SLC35G1: variants seen among roughly 807,000 people sequenced by gnomAD.
The protein encoded by SLC35G1 is solute carrier family 35 member G1.
A neutral mutation model predicts 17.1 loss-of-function variants in SLC35G1; 10 were observed. That is an observed-to-expected ratio of 0.59 (90% confidence interval 0.36 to 0.99). The LOEUF is 0.99. Ranked by LOEUF, SLC35G1 falls within the 50% of genes least tolerant of loss-of-function variation. The probability of loss-of-function intolerance (pLI) is 0.01; values close to 1 mark genes in which losing one functional copy is unlikely to be tolerated. For synonymous variants in SLC35G1, 185 were observed against 181.1 expected, an observed-to-expected ratio of 1.02 and a Z score of -0.18; for missense variants, 433 against 468.4, an observed-to-expected ratio of 0.92 and a Z score of 0.70.
chr10:93,903,856 T>C (rs1177344962), downstream of SLC35G1: 2 of 152,180 alleles, frequency 1.3e-5, no homozygotes, highest in East Asian at 3.8e-4. Flanking sequence ...AGCAAATATA[T>C]AACTTATTTC....
chr10:93,906,515 A>C (rs2134074443), downstream of SLC35G1: 1 of 152,358 alleles, frequency 6.6e-6, no homozygotes, highest in South Asian at 2.1e-4. Flanking sequence ...TGTGAGAAAA[A>C]GAAACCAGTT....
rs2060353141 is a variant in SLC35G1 at position 93,898,574 on chromosome 10, C to A, written c.182C>A (p.Ala61Asp). The change falls in exon 2 of 3, where the codon GCC (alanine) becomes GAC (aspartate). Residue 61 changes from alanine (A) to aspartate (D), a missense_variant. Transcript: ENST00000427197. ...ACCAGAATTTAATCTTTTTCAGAAG[C>A]CAAGAAGAAAGCACCCTGTCCTGGA... ...SPCCSRTEPE[A>D]KKKAPCPGLG... 1 of 1,598,296 alleles carries A rather than the reference C, an allele frequency of 6.3e-7. No individual in the cohort carries two copies. Among genetic ancestry groups the A allele is most frequent in the African/African-American group, 1.4e-5 (1 of 73,328 alleles).
downstream of SLC35G1, chr10:93,907,841 AAAAT>A (rs1422616679): frequency 1.3e-5 from 2 of 151,962 alleles, no homozygotes; most frequent in Non-Finnish European, 1.5e-5. Context: ...TGGTGGAACA[AAAAT>A]AAAAAGGTGA....
intron 1 of SLC35G1, among the ~76,000 whole-genome samples, chr10:93,897,949 G>C (rs950381292): frequency 1.3e-5 from 2 of 152,204 alleles, no homozygotes; most frequent in African/African-American, 4.8e-5. Context: ...AACCTTCCCA[G>C]ATTATGCTGT....
Position 93,894,027 on chromosome 10 carries a change from CCG to C in SLC35G1, c.-4_-3del. The C allele has an allele frequency of 7.1e-7, 1 of 1,413,382 alleles. No homozygotes were observed. The highest frequency in any genetic ancestry group is 9.2e-7 in the Non-Finnish European group (1 of 1,090,910). The allele number at this position is 1,413,382 out of a possible 1,614,324, so 87.6% of individuals were successfully genotyped here. On this transcript the variant is annotated 5_prime_UTR_variant, in exon 1 of 3. Transcript: ENST00000427197. ...GCACCGGCCGCTGGTAGAGCGCGTG[CCG>C]CGAGATGCGGCCTCAGGACAGCACC...
intron 1 of SLC35G1, 122 bp downstream of exon 1, chr10:93,894,333 G>A: frequency 9.9e-7 from 1 of 1,006,016 alleles, no homozygotes; most frequent in Non-Finnish European, 1.3e-6. Context: ...ACCCTGCCCG[G>A]GGCTCGGGAA....
intron 1 of SLC35G1, 62 bp downstream of exon 1, chr10:93,894,273 G>A: frequency 1.4e-5 from 18 of 1,296,236 alleles, no homozygotes; most frequent in Non-Finnish European, 1.6e-5. Flanking sequence ...GGCGCCGGCG[G>A]GTTGGGGTCC....
chr10:93,901,204 C>T lies in SLC35G1; in HGVS notation c.812C>T (p.Ser271Phe), dbSNP rs781734709. 7.4e-6 allele frequency: 12 copies of T among 1,613,986 alleles called. No homozygotes were observed. Among genetic ancestry groups the T allele is most frequent in the Non-Finnish European group, 8.5e-6 (10 of 1,179,980 alleles). Residue 271 changes from serine to phenylalanine, a missense_variant, in exon 3 of 3, where the codon TCT becomes TTT. Transcript: ENST00000427197. Reference sequence around the variant, plus strand: ...CTCGTTGAAAGTGTCATCATCCTCTCTGTATTAGGAGAGTGGAGTCTGCCT... The same window carrying T: ...CTCGTTGAAAGTGTCATCATCCTCTTTGTATTAGGAGAGTGGAGTCTGCCT... ...LGLVESVIILSVLGEWSLPYC... is the reference protein window; with the variant it reads ...LGLVESVIILFVLGEWSLPYC...
At chr10:93,900,511 A>C (rs1175314056) in intron 2 of SLC35G1, among the ~76,000 whole-genome samples, 2 of 152,100 alleles carry the variant, frequency 1.3e-5, no homozygotes, top group Non-Finnish European at 2.9e-5. Context: ...TAATTTTACT[A>C]TGCATGTAAT....
At chr10:93,898,061 C>T (rs539980382) in intron 1 of SLC35G1, among the ~76,000 whole-genome samples, 2 of 152,208 alleles carry the variant, frequency 1.3e-5, no homozygotes, top group Non-Finnish European at 2.9e-5. Context: ...ATGTACAAGA[C>T]AGCAAGATCC....
downstream of SLC35G1, among the ~76,000 whole-genome samples, chr10:93,904,053 A>G (rs1025237596): frequency 3.9e-5 from 6 of 152,176 alleles, no homozygotes; most frequent in South Asian, 2.1e-4. Flanking sequence ...TGAGACCTTC[A>G]TTCTTCTAGA....
chr10:93,901,040 AAGCT>A lies in SLC35G1; in HGVS notation c.650_653del (p.Ser217IlefsTer22), dbSNP rs991683395. On this transcript the variant is annotated frameshift_variant, in exon 3 of 3. Coordinates refer to ENST00000427197, the MANE Select transcript of SLC35G1 (RefSeq NM_001134658.3). LOFTEE classifies it low-confidence loss of function (END_TRUNC). ...GTTCCGACACTTCGGGGATGGAAGA[AAGCT>A]ATTCAGGCCACCTTAAGGGAACATT... The A allele has an allele frequency of 1.9e-5, 31 of 1,614,020 alleles. No individual in the cohort carries two copies.
intron 1 of SLC35G1, among the ~76,000 whole-genome samples, chr10:93,894,629 G>C (rs1237249406): frequency 6.6e-6 from 1 of 152,092 alleles, no homozygotes; most frequent in Non-Finnish European, 1.5e-5. Context: ...TCTCCGAAAA[G>C]GAAGCTGAAA....
At position 93,901,390 on chromosome 10, in the gene SLC35G1, TTAA is replaced by T; in HGVS notation, c.1003_1005del (p.Asn335del). ...GCTTTTATCTTTCAGATTATTTTCT[TTAA>T]TAATGTGCCAACGTGGTGGACAGTG... On this transcript the variant is annotated inframe_deletion, in exon 3 of 3. Transcript: ENST00000427197. 1 of 1,614,086 alleles carries T rather than the reference TTAA, an allele frequency of 6.2e-7. No homozygotes were observed. Among genetic ancestry groups the T allele is most frequent in the Non-Finnish European group, 8.5e-7 (1 of 1,179,964 alleles).
At position 93,900,762 on chromosome 10, in the gene SLC35G1, A is replaced by G; in HGVS notation, c.370A>G (p.Ile124Val). The change falls in exon 3 of 3, where the codon ATA becomes GTA. Residue 124 changes from isoleucine to valine, a missense_variant. Transcript: ENST00000427197. ...PCLIYRKTGF[I>V]GPKGQRIFLI... is the part of the protein sequence containing the mutation. ...CATTTGAATTTACAGAACTGGGTTTATAGGCCCAAAAGGTCAACGAATTTT... is the reference window on the plus strand; with the variant it reads ...CATTTGAATTTACAGAACTGGGTTTGTAGGCCCAAAAGGTCAACGAATTTT... 6.3e-7 allele frequency: 1 copy of G among 1,594,532 alleles called. No homozygotes were observed. The highest frequency in any genetic ancestry group is 1.3e-5 in the African/African-American group (1 of 74,724).
At position 93,900,985 on chromosome 10, in the gene SLC35G1, T is replaced by A; in HGVS notation, c.593T>A (p.Ile198Asn). 1.2e-6 allele frequency: 2 copies of A among 1,614,076 alleles called. No individual in the cohort carries two copies. Among genetic ancestry groups the A allele is most frequent in the Admixed American group, 3.3e-5 (2 of 59,982 alleles). ...LFTVFTITGV[I>N]LIVRPPFLFG... ...ACCGTGTTCACAATCACTGGAGTGA[T>A]CCTTATCGTGAGACCACCATTTTTG... is the stretch of plus-strand genomic sequence containing the variant. The change falls in exon 3 of 3, where the codon ATC (isoleucine) becomes AAC (asparagine). Residue 198 changes from isoleucine to asparagine, a missense_variant. By Grantham distance (149) the Ile-to-Asn change is moderately radical. Transcript: ENST00000427197.
At chr10:93,909,681 T>C (rs1445087261) in exon 3 of SLC35G1, 1 of 152,208 alleles carries the variant, frequency 6.6e-6, no homozygotes, top group Non-Finnish European at 1.5e-5. Flanking sequence ...CCTTGTTCTT[T>C]GTATATTTGT....
intron 1 of SLC35G1, 74 bp downstream of exon 1, chr10:93,894,285 C>T: frequency 7.8e-7 from 1 of 1,281,028 alleles, no homozygotes; most frequent in Admixed American, 4.2e-5. Flanking sequence ...TTGGGGTCCC[C>T]GCAACCCGGG....
intron 1 of SLC35G1, among the ~76,000 whole-genome samples, chr10:93,895,873 T>G (rs2060324630): frequency 1.3e-5 from 2 of 152,182 alleles, no homozygotes; most frequent in African/African-American, 4.8e-5. Context: ...CTTAGGCCTG[T>G]GCCTCACATC....
Sources: gnomAD v4.1 joint callset for allele counts (sites outside exome capture counted in the v4.1 genomes callset) on GRCh38, gnomAD v4.1.1 for gene constraint, MANE v1.5 for transcripts, NCBI Gene and HGNC (gene_info 2026-07-23, HGNC 2026-07-21) for gene names.